Variants in LOXHD1 observed in about 807,000 individuals in gnomAD.
The protein encoded by LOXHD1 is lipoxygenase homology PLAT domains 1.
LOXHD1 carries 205 observed loss-of-function variants against 248.2 expected under a neutral mutation model. The observed-to-expected ratio is 0.83, with a 90% confidence interval of 0.74 to 0.93. The LOEUF (loss-of-function observed/expected upper bound fraction) is 0.93. LOXHD1 is among the 40% of genes least tolerant of loss of function. LOXHD1 has a pLI of 0.00. For synonymous variants in LOXHD1, 1,113 were observed against 1,162.8 expected (o/e 0.96, Z 0.87); for missense variants, 2,930 against 2,971.6 (o/e 0.99, Z 0.33).
Position 46,594,412 on chromosome 18 carries a change from A to G in LOXHD1, c.1189T>C (p.Trp397Arg), listed in dbSNP as rs2038225896. 6.4e-7 allele frequency: 1 copy of G among 1,551,620 alleles called. No homozygotes were observed. Among genetic ancestry groups the G allele is most frequent in the Non-Finnish European group, 8.7e-7 (1 of 1,147,002 alleles). ...CCATCCGCTTTCTTCTCATCCAGCC[A>G]GTTGCTACAAGGGAAGGTCTGCTGG... ...GIQQTFPCSN[W>R]LDEKKADGLI... is the part of the protein sequence containing the mutation. The change falls in exon 9 of 41, where the codon TGG becomes CGG. Residue 397 changes from tryptophan (W) to arginine (R), a missense_variant. By Grantham distance (101) the Trp-to-Arg change is moderately radical (BLOSUM62 -3). Coordinates refer to ENST00000642948, the MANE Select transcript of LOXHD1 (RefSeq NM_001384474.1).
chr18:46,601,617 A>T, intron 7 of LOXHD1, 150 bp from the exon 8 acceptor site: 1 of 1,038,688 alleles, frequency 9.6e-7, no homozygotes, highest in Non-Finnish European at 1.4e-6. Flanking sequence ...TCCAGATGCC[A>T]CCTAATGTCC....
chr18:46,615,906 A>G (rs570061391), intron 5 of LOXHD1, among the ~76,000 whole-genome samples: 75 of 152,182 alleles, frequency 4.9e-4, no homozygotes, highest in Non-Finnish European at 9.3e-4. Context: ...TTATTGCATC[A>G]TTCTTTTTGT....
At chr18:46,501,726 G>T (rs879550721) in intron 37 of LOXHD1, among the ~76,000 whole-genome samples, 2 of 152,178 alleles carry the variant, frequency 1.3e-5, no homozygotes, top group Non-Finnish European at 2.9e-5. Flanking sequence ...CGAATTCAGA[G>T]TTCACAGCAA....
At chr18:46,644,288 C>G (rs2039000050) in intron 2 of LOXHD1, among the ~76,000 whole-genome samples, 1 of 152,138 alleles carries the variant, frequency 6.6e-6, no homozygotes, top group African/African-American at 2.4e-5. Flanking sequence ...CCATTTTTAG[C>G]CAAAGACAAG....
chr18:46,491,306 C>G (rs931492751), intron 37 of LOXHD1, among the ~76,000 whole-genome samples: 1 of 152,224 alleles, frequency 6.6e-6, no homozygotes, highest in African/African-American at 2.4e-5. Context: ...GTAGCCAAGG[C>G]TGAGAACCTG....
intron 20 of LOXHD1, chr18:46,557,895 T>A (rs1286187468): frequency 4.5e-6 from 5 of 1,107,582 alleles, no homozygotes; most frequent in Non-Finnish European, 5.5e-6. Flanking sequence ...ATATTTGTAT[T>A]AAGTACCTGC....
chr18:46,540,585 C>A (rs2036515055), intron 25 of LOXHD1, among the ~76,000 whole-genome samples: 1 of 150,938 alleles, frequency 6.6e-6, no homozygotes, highest in Non-Finnish European at 1.5e-5. Context: ...AACAGCTCAC[C>A]CTTTAGGTTA....
chr18:46,495,134 G>A (rs541090101), intron 37 of LOXHD1, among the ~76,000 whole-genome samples: 2 of 152,168 alleles, frequency 1.3e-5, no homozygotes, highest in Non-Finnish European at 2.9e-5. Flanking sequence ...GATTACAGGC[G>A]TGAGCCACCA....
chr18:46,639,636 T>C lies in LOXHD1; in HGVS notation c.491A>G (p.Asn164Ser). ...QWCRDLLASF[N>S]PMDMPRGNKY... Reference sequence around the variant, plus strand: ...CTGACCTCTGGGCATGTCCATGGGGTTGAAGCTGGCCAGCAGGTCACGGCA... The same window carrying C: ...CTGACCTCTGGGCATGTCCATGGGGCTGAAGCTGGCCAGCAGGTCACGGCA... The change falls in exon 4 of 41, where the codon AAC (asparagine) becomes AGC (serine). Residue 164 changes from asparagine to serine, a missense_variant. Transcript: ENST00000642948. 1.3e-6 allele frequency: 2 copies of C among 1,551,574 alleles called. No homozygotes were observed. The highest frequency in any genetic ancestry group is 1.7e-6 in the Non-Finnish European group (2 of 1,146,922).
At chr18:46,615,900 T>C (rs558910377) in intron 5 of LOXHD1, among the ~76,000 whole-genome samples, 1 of 152,348 alleles carries the variant, frequency 6.6e-6, no homozygotes, top group South Asian at 2.1e-4. Flanking sequence ...TAAAAATTAT[T>C]GCATCATTCT....
chr18:46,603,277 C>T (rs1435977662), intron 7 of LOXHD1, among the ~76,000 whole-genome samples: 2 of 151,708 alleles, frequency 1.3e-5, no homozygotes, highest in Non-Finnish European at 2.9e-5. Flanking sequence ...AAGAGCAAGG[C>T]AAGCAGGGAG....
Position 46,566,447 on chromosome 18 carries a change from G to T in LOXHD1, c.2247C>A (p.Ile749=), listed in dbSNP as rs1447925246. 5 of 1,548,926 alleles carry T rather than the reference G, an allele frequency of 3.2e-6. No individual in the cohort carries two copies. Among genetic ancestry groups the T allele is most frequent in the Non-Finnish European group, 4.4e-6 (5 of 1,146,826 alleles). Residue 749 remains isoleucine (I), a splice_region_variant and synonymous_variant, in exon 17 of 41, where the codon ATC becomes ATA. Transcript: ENST00000642948. ...FTLETLNIGN[I]NRLVIGHDST... ...TGTCATGCCCAATCACCAGCCGGTT[G>T]ATCTGAAGGAAACCCGAGTGAGGGT...
In LOXHD1 at chr18:46,489,156, A is replaced by C; in HGVS notation, c.5879-14T>G. On this transcript the variant is annotated splice_polypyrimidine_tract_variant and intron_variant, in intron 37 of 40. Coordinates refer to ENST00000642948, the MANE Select transcript of LOXHD1 (RefSeq NM_001384474.1). ...CAGGAAATATCCCTGTGGAAAAGACACCATGGGGGTTGGAAGCTGGATGTG... is the reference window on the plus strand; with the variant it reads ...CAGGAAATATCCCTGTGGAAAAGACCCCATGGGGGTTGGAAGCTGGATGTG... The C allele has an allele frequency of 1.9e-6, 3 of 1,551,552 alleles. No individual in the cohort carries two copies. The highest frequency in any genetic ancestry group is 1.7e-6 in the Non-Finnish European group (2 of 1,146,930).
intron 20 of LOXHD1, among the ~76,000 whole-genome samples, chr18:46,558,833 A>G (rs2037440548): frequency 6.6e-6 from 1 of 152,144 alleles, no homozygotes; most frequent in Admixed American, 6.6e-5. Flanking sequence ...CCACTGCATT[A>G]GGATACAGTT....
chr18:46,558,768 G>A (rs1287351549), intron 20 of LOXHD1, among the ~76,000 whole-genome samples: 1 of 152,152 alleles, frequency 6.6e-6, no homozygotes, highest in Non-Finnish European at 1.5e-5. Flanking sequence ...TATTTTTCAT[G>A]ACTTTCCCAC....
rs560374192 is a variant in LOXHD1 at position 46,538,355 on chromosome 18, A to C, written c.3914-18T>G. On this transcript the variant is annotated intron_variant, in intron 25 of 40. Coordinates refer to ENST00000642948, the MANE Select transcript of LOXHD1 (RefSeq NM_001384474.1). The stretch of plus-strand genomic sequence containing the variant: ...AGGAACAACTGAGGGTGGTGGTCAG[A>C]GGGCAAAGCCAGAGTGGATGAGAGA... 5.8e-5 allele frequency: 90 copies of C among 1,540,120 alleles called. No individual in the cohort carries two copies. The East Asian group carries it at 1.2e-3, about 21-fold the overall frequency.
At position 46,524,764 on chromosome 18, in the gene LOXHD1, G is replaced by T. The variant is rs909969012; in HGVS notation, c.4684C>A (p.Arg1562Ser). 2.3e-5 allele frequency: 36 copies of T among 1,551,744 alleles called. No homozygotes were observed. The highest frequency in any genetic ancestry group is 3.1e-5 in the Non-Finnish European group (36 of 1,147,002). The change falls in exon 30 of 41, where the codon CGC becomes AGC. Residue 1562 changes from arginine to serine, a missense_variant. Transcript: ENST00000642948. ...TCCTCCTTCTTCAGGGAGAGCCAGC[G>T]CCCGCATAGGAACAGGAACTCGTCC... ...NEDEFLFLCG[R>S]WLSLKKEDGR...
At chr18:46,544,963 C>A in intron 23 of LOXHD1, 1 of 482,874 alleles carries the variant, frequency 2.1e-6, no homozygotes. Context: ...TAAACACCAC[C>A]TTCTCTGAGT....
chr18:46,601,010 G>A (rs536336021), intron 8 of LOXHD1, among the ~76,000 whole-genome samples: 1 of 152,264 alleles, frequency 6.6e-6, no homozygotes. Context: ...TTGGCCCTTG[G>A]ACGCTTGCAC....
Sources: gnomAD v4.1 joint callset for allele counts (sites outside exome capture counted in the v4.1 genomes callset) on GRCh38, gnomAD v4.1.1 for gene constraint, MANE v1.5 for transcripts, NCBI Gene and HGNC (gene_info 2026-07-23, HGNC 2026-07-21) for gene names.